The following CNGB1 variants were observed in gnomAD, a reference collection of about 807,000 sequenced individuals.
The protein encoded by CNGB1 is cyclic nucleotide gated channel subunit beta 1.
In CNGB1, 126 loss-of-function variants were observed where a neutral mutation model predicts 151.7. The observed-to-expected ratio is 0.83, with a 90% CI of 0.72 to 0.96. The LOEUF is 0.96. Among genes scored for constraint, CNGB1 ranks in the 40% least tolerant of loss-of-function variants. CNGB1 has a pLI of 0.00. For missense variants in CNGB1, 1,698 were observed against 1,627.0 expected (o/e 1.04, Z -0.75); for synonymous variants, 623 against 635.1 (o/e 0.98, Z 0.29).
At chr16:57,910,132 C>A (rs1239395422) in intron 25 of CNGB1, among the ~76,000 whole-genome samples, 6 of 152,208 alleles carry the variant, frequency 3.9e-5, no homozygotes, top group Non-Finnish European at 8.8e-5. Flanking sequence ...ACCTGAAAAC[C>A]TAATTCAGGC....
intron 18 of CNGB1, among the ~76,000 whole-genome samples, chr16:57,922,608 T>G (rs1184499429): frequency 6.6e-6 from 1 of 152,014 alleles, no homozygotes; most frequent in African/African-American, 2.4e-5. Context: ...TTTGTATTTT[T>G]ATTAGAGACA....
intron 8 of CNGB1, 118 bp downstream of exon 8, chr16:57,960,722 C>T (rs1428804757): frequency 1.6e-5 from 21 of 1,309,212 alleles, no homozygotes; most frequent in Admixed American, 4.0e-5. Flanking sequence ...AGTGGGGCAT[C>T]GCCCCCTCAT....
intron 25 of CNGB1, among the ~76,000 whole-genome samples, chr16:57,910,500 G>A (rs1349476933): frequency 1.3e-5 from 2 of 151,944 alleles, no homozygotes; most frequent in African/African-American, 2.4e-5. Flanking sequence ...TCAGCCTCCC[G>A]AGTAACTGAG....
chr16:57,933,310 T>C (rs1467278879), intron 16 of CNGB1, among the ~76,000 whole-genome samples: 1 of 152,242 alleles, frequency 6.6e-6, no homozygotes, highest in South Asian at 2.1e-4. Flanking sequence ...TAGTGTGTGC[T>C]ACTTCCTATT....
chr16:57,966,766 T>C (rs1962409650), intron 2 of CNGB1, among the ~76,000 whole-genome samples: 1 of 152,206 alleles, frequency 6.6e-6, no homozygotes, highest in Non-Finnish European at 1.5e-5. Context: ...TCTAGGCTAT[T>C]GCTTGTTTTT....
chr16:57,961,208 C>T lies in CNGB1; in HGVS notation c.459-293G>A, dbSNP rs190024567. 1.1e-3 allele frequency among the ~76,000 whole-genome samples: 170 copies of T among 152,366 alleles called. 1 individual carries two copies. The East Asian group carries it at 0.027, about 25-fold the overall frequency. Reference sequence around the variant, plus strand: ...GACCTGAATGCAGCCCTGGGGGCTCCCTGTGCTGGAACAGACAGGGCTGGC... The same window carrying T: ...GACCTGAATGCAGCCCTGGGGGCTCTCTGTGCTGGAACAGACAGGGCTGGC... On this transcript the variant is annotated intron_variant, in intron 7 of 32. Coordinates refer to ENST00000251102, the MANE Select transcript of CNGB1 (RefSeq NM_001297.5).
intron 31 of CNGB1, among the ~76,000 whole-genome samples, chr16:57,889,250 G>T (rs1308662486): frequency 4.6e-5 from 7 of 152,164 alleles, no homozygotes; most frequent in African/African-American, 1.7e-4. Context: ...CAATCCTCCT[G>T]CCATGGCCTC....
At chr16:57,967,638 G>A (rs1181052397) in intron 1 of CNGB1, among the ~76,000 whole-genome samples, 1 of 152,070 alleles carries the variant, frequency 6.6e-6, no homozygotes, top group Non-Finnish European at 1.5e-5. Flanking sequence ...CGAGGCAGCA[G>A]TGGGTCATGA....
In CNGB1 at chr16:57,899,572, G is replaced by A. The variant is rs189893243; in HGVS notation, c.2977-1658C>T. 1.9e-3 allele frequency among the ~76,000 whole-genome samples: 289 copies of A among 152,286 alleles called. 1 individual carries two copies. The highest frequency in any genetic ancestry group is 6.5e-3 in the African/African-American group (271 of 41,548). Reference sequence around the variant, plus strand: ...GGTGAAATGCTTGAACCCAGGAGGCGGAGGTTGCAGTGAGCCGAGATAGTG... The same window carrying A: ...GGTGAAATGCTTGAACCCAGGAGGCAGAGGTTGCAGTGAGCCGAGATAGTG... On this transcript the variant is annotated intron_variant, in intron 29 of 32. Coordinates refer to ENST00000251102, the MANE Select transcript of CNGB1 (RefSeq NM_001297.5).
Position 57,904,828 on chromosome 16 carries a change from C to T in CNGB1, c.2540G>A (p.Gly847Glu), listed in dbSNP as rs1203085426. The change falls in exon 26 of 33, where the codon GGG becomes GAG. Residue 847 changes from glycine to glutamate, a missense_variant. Coordinates refer to ENST00000251102, the MANE Select transcript of CNGB1 (RefSeq NM_001297.5). Reference sequence around the variant, plus strand: ...GAGTGTCTTGGGGTCAGGCAGCCCCCCGATGGTGATGAGGGTCTTCACAGC... The same window carrying T: ...GAGTGTCTTGGGGTCAGGCAGCCCCTCGATGGTGATGAGGGTCTTCACAGC... ...YFAVKTLITI[G>E]GLPDPKTLFE... 1.7e-5 allele frequency: 27 copies of T among 1,613,954 alleles called. No homozygotes were observed. The highest frequency in any genetic ancestry group is 2.2e-5 in the East Asian group (1 of 44,890).
intron 19 of CNGB1, among the ~76,000 whole-genome samples, chr16:57,919,584 C>G (rs576626661): frequency 4.6e-5 from 7 of 152,152 alleles, no homozygotes; most frequent in Non-Finnish European, 7.3e-5. Flanking sequence ...GCTTAGACCC[C>G]CTTTGTTCCC....
chr16:57,934,414 G>A lies in CNGB1; in HGVS notation c.1373-2536C>T, dbSNP rs1402583335. 6.6e-5 allele frequency among the ~76,000 whole-genome samples: 10 copies of A among 152,086 alleles called. No individual in the cohort carries two copies. In the South Asian group the frequency reaches 1.0e-3, roughly 16 times the overall value. On this transcript the variant is annotated intron_variant, in intron 16 of 32. Transcript: ENST00000251102. ...GCGCCTACTACACTCCAGCCTTAGC[G>A]AAAGAGCGAGACCCTGTCTCACAAA... is the stretch of plus-strand genomic sequence containing the variant.
At chr16:57,930,255 G>A (rs1961308713) in intron 17 of CNGB1, among the ~76,000 whole-genome samples, 1 of 152,098 alleles carries the variant, frequency 6.6e-6, no homozygotes, top group Admixed American at 6.6e-5. Flanking sequence ...CCGGCACTTT[G>A]GGAGGCTAAG....
rs1229235985 is a variant in CNGB1, at chr16:57,894,373, G to A, written c.3242+3024C>T. On this transcript the variant is annotated intron_variant, in intron 31 of 32. Coordinates refer to ENST00000251102, the MANE Select transcript of CNGB1 (RefSeq NM_001297.5). ...CCCAGAATTTTGGGAGGCAGAAGCG[G>A]GCAGATCACCTGAGGTGAGAAGTTC... 4.6e-5 allele frequency among the ~76,000 whole-genome samples: 7 copies of A among 152,204 alleles called. No individual in the cohort carries two copies. In the South Asian group the frequency reaches 6.2e-4, roughly 14 times the overall value.
At chr16:57,936,484 A>G (rs559623076) in intron 16 of CNGB1, among the ~76,000 whole-genome samples, 6 of 152,352 alleles carry the variant, frequency 3.9e-5, no homozygotes, top group South Asian at 4.1e-4. Flanking sequence ...AAAGGAATAT[A>G]TGTTTAACCC....
Position 57,960,547 on chromosome 16 carries a change from G to T in CNGB1, c.535-17C>A, listed in dbSNP as rs1338578932. On this transcript the variant is annotated splice_polypyrimidine_tract_variant and intron_variant, in intron 8 of 32. Coordinates refer to ENST00000251102, the MANE Select transcript of CNGB1 (RefSeq NM_001297.5). ...TCTCCAGACCTGGGTGACAAACAGG[G>T]CGCAAGGTCATGGGCCATAGCAAGC... 3 of 1,613,054 alleles carry T rather than the reference G, an allele frequency of 1.9e-6. No individual in the cohort carries two copies. The East Asian group carries it at 6.7e-5, about 36-fold the overall frequency.
intron 31 of CNGB1, among the ~76,000 whole-genome samples, chr16:57,892,072 C>CAAA (rs34104252): frequency 1.5e-3 from 146 of 96,290 alleles, no homozygotes; most frequent in Admixed American, 3.7e-3. Context: ...CACAAAAATG[C>CAAA]AAAAAAAAAA....
rs371150166 is a variant in CNGB1 at position 57,925,977 on chromosome 16, C to T, written c.1536-2597G>A. On this transcript the variant is annotated intron_variant, in intron 17 of 32. Coordinates refer to ENST00000251102, the MANE Select transcript of CNGB1 (RefSeq NM_001297.5). Reference sequence around the variant, plus strand: ...TGCTGGGATTACCGGCATGAGCCACCGCCCCCGGCCATGATTACTTTTTAC... The same window carrying T: ...TGCTGGGATTACCGGCATGAGCCACTGCCCCCGGCCATGATTACTTTTTAC... Among the ~76,000 whole-genome samples, 93 of 152,270 alleles carry T rather than the reference C, an allele frequency of 6.1e-4. 1 individual carries two copies. Among genetic ancestry groups the T allele is most frequent in the Non-Finnish European group, 5.3e-4 (36 of 68,014 alleles).
Position 57,884,361 on chromosome 16 carries a change from G to A in CNGB1, c.3559C>T (p.Arg1187Trp), listed in dbSNP as rs564918974. The change falls in exon 33 of 33, where the codon CGG (arginine) becomes TGG (tryptophan). Residue 1187 changes from arginine to tryptophan, a missense_variant. Transcript: ENST00000251102. ...GACCCCGGGGGCTCGGGGGGCGTCC[G>A]GGGCGCGGGTGGGTCGGTGGCGGCC... ...KEAATDPPAP[R>W]TPPEPPGSPP... The A allele has an allele frequency of 5.2e-5, 83 of 1,611,030 alleles. No individual in the cohort carries two copies. The highest frequency in any genetic ancestry group is 6.1e-5 in the Non-Finnish European group (72 of 1,179,014).
Sources: allele counts gnomAD v4.1 joint callset (sites outside exome capture counted in the v4.1 genomes callset), GRCh38; gene constraint gnomAD v4.1.1; transcripts MANE v1.5; gene names NCBI Gene and HGNC (gene_info 2026-07-23, HGNC 2026-07-21).